The following AGMO variants were observed in gnomAD, a reference collection of about 807,000 sequenced individuals.
AGMO encodes the protein glyceryl-ether monooxygenase.
A neutral mutation model predicts 60.2 loss-of-function variants in AGMO; 75 were observed. That is an observed-to-expected ratio of 1.25 (90% CI 1.03 to 1.51). The LOEUF is 1.51. AGMO is among the 40% of genes most tolerant of loss of function. The probability of loss-of-function intolerance (pLI) is 0.00; values close to 1 mark genes in which losing one functional copy is unlikely to be tolerated. For missense variants in AGMO, 763 were observed against 525.5 expected (o/e 1.45, Z -4.42); for synonymous variants, 261 against 177.1 (o/e 1.47, Z -3.76).
chr7:15,378,516 A>G (rs544082848), intron 10 of AGMO, among the ~76,000 whole-genome samples: 55 of 152,112 alleles, frequency 3.6e-4, no homozygotes, highest in African/African-American at 1.3e-3. Flanking sequence ...ATATGTATGC[A>G]CCCAACACAG....
At chr7:15,410,760 T>G (rs1481260526) in intron 5 of AGMO, among the ~76,000 whole-genome samples, 1 of 152,004 alleles carries the variant, frequency 6.6e-6, no homozygotes, top group Admixed American at 6.6e-5. Flanking sequence ...TTTTGTGGCC[T>G]TAGGGATTAA....
intron 3 of AGMO, among the ~76,000 whole-genome samples, chr7:15,468,563 C>CAT (rs1164797108): frequency 6.6e-6 from 1 of 151,784 alleles, no homozygotes; most frequent in East Asian, 1.9e-4. Context: ...ACACACAAAT[C>CAT]ATATATATAT....
At chr7:15,200,067 C>A (rs558156376), downstream of AGMO, among the ~76,000 whole-genome samples, 1 of 151,994 alleles carries the variant, frequency 6.6e-6, no homozygotes, top group Non-Finnish European at 1.5e-5. Context: ...ATAGGCAAAG[C>A]TCAATGAAGA....
chr7:15,474,220 C>T (rs1227673887), intron 3 of AGMO, among the ~76,000 whole-genome samples: 1 of 151,864 alleles, frequency 6.6e-6, no homozygotes, highest in Non-Finnish European at 1.5e-5. Context: ...CATATGGAAC[C>T]AAAAAAGAGC....
intron 3 of AGMO, among the ~76,000 whole-genome samples, chr7:15,466,571 T>C (rs946560153): frequency 1.9e-4 from 29 of 152,114 alleles, no homozygotes; most frequent in Admixed American, 1.1e-3. Context: ...ATGCAGCATA[T>C]AATAATTTAA....
At chr7:15,183,322 C>T in the AGMO span, among the ~76,000 whole-genome samples, 2 of 151,998 alleles carry the variant, frequency 1.3e-5, no homozygotes, top group African/African-American at 4.8e-5. Flanking sequence ...TCACCATGCC[C>T]CATCCTTTCT....
chr7:15,346,119 A>G (rs1782022573), intron 12 of AGMO, among the ~76,000 whole-genome samples: 1 of 152,194 alleles, frequency 6.6e-6, no homozygotes, highest in African/African-American at 2.4e-5. Context: ...AAATTCTGTT[A>G]AATTCAGATA....
the AGMO span, among the ~76,000 whole-genome samples, chr7:15,143,204 G>A: frequency 1.3e-5 from 2 of 152,130 alleles, no homozygotes; most frequent in Non-Finnish European, 2.9e-5. Context: ...GCTATTGAAC[G>A]TGAAATTGAT....
intron 5 of AGMO, among the ~76,000 whole-genome samples, chr7:15,400,645 T>G (rs1309785500): frequency 6.6e-6 from 1 of 152,108 alleles, no homozygotes; most frequent in Non-Finnish European, 1.5e-5. Context: ...AAGCCAGGAA[T>G]GAAAGTCCGA....
chr7:15,383,653 A>G (rs757769216), intron 10 of AGMO, among the ~76,000 whole-genome samples: 3 of 152,062 alleles, frequency 2.0e-5, no homozygotes, highest in East Asian at 1.9e-4. Flanking sequence ...TTTTCAGCAT[A>G]TATTATTTAT....
At chr7:15,216,772 A>T (rs1781748704) in intron 12 of AGMO, among the ~76,000 whole-genome samples, 1 of 152,054 alleles carries the variant, frequency 6.6e-6, no homozygotes, top group Non-Finnish European at 1.5e-5. Context: ...ATAGATCAAC[A>T]CATATCAATT....
At chr7:15,205,157 C>T (rs577745132) in intron 12 of AGMO, among the ~76,000 whole-genome samples, 2 of 152,262 alleles carry the variant, frequency 1.3e-5, no homozygotes, top group East Asian at 3.9e-4. Flanking sequence ...ATGTACATAT[C>T]TGTCTCTTCT....
intron 3 of AGMO, among the ~76,000 whole-genome samples, chr7:15,519,039 C>T (rs772778395): frequency 6.6e-6 from 1 of 150,570 alleles, no homozygotes; most frequent in Non-Finnish European, 1.5e-5. Flanking sequence ...TATCAATAGC[C>T]GAACTGACAA....
chr7:15,235,646 G>T (rs1308474696), intron 12 of AGMO, among the ~76,000 whole-genome samples: 1 of 152,056 alleles, frequency 6.6e-6, no homozygotes, highest in Non-Finnish European at 1.5e-5. Context: ...TCAGAAAATA[G>T]ATCCTAAAGA....
At chr7:15,341,682 ATGC>A (rs1781852715) in intron 12 of AGMO, among the ~76,000 whole-genome samples, 1 of 152,132 alleles carries the variant, frequency 6.6e-6, no homozygotes, top group South Asian at 2.1e-4. Flanking sequence ...GTCCATTATT[ATGC>A]TGCTAATAAA....
chr7:15,350,988 G>A (rs1395275964), intron 12 of AGMO, among the ~76,000 whole-genome samples: 2 of 152,054 alleles, frequency 1.3e-5, no homozygotes, highest in African/African-American at 4.8e-5. Flanking sequence ...GGCAAAAAAT[G>A]CTTTTTAAGA....
chr7:15,322,624 A>G, intron 12 of AGMO, among the ~76,000 whole-genome samples: 1 of 66,180 alleles, frequency 1.5e-5, no homozygotes, highest in Admixed American at 2.8e-4. Context: ...ATATATAAAT[A>G]TATATAAATA....
At chr7:15,422,367 G>C (rs907341718) in intron 4 of AGMO, among the ~76,000 whole-genome samples, 6 of 151,832 alleles carry the variant, frequency 4.0e-5, no homozygotes, top group African/African-American at 1.5e-4. Context: ...AAGAGTATTT[G>C]ATAGCACAAA....
At chr7:15,277,903 C>T (rs184704669) in intron 12 of AGMO, among the ~76,000 whole-genome samples, 21 of 152,178 alleles carry the variant, frequency 1.4e-4, no homozygotes, top group Non-Finnish European at 2.4e-4. Context: ...ATGACAAGGG[C>T]GCTAGCCCTA....
Sources: gnomAD v4.1 joint callset for allele counts (sites outside exome capture counted in the v4.1 genomes callset) on GRCh38, gnomAD v4.1.1 for gene constraint, MANE v1.5 for transcripts, NCBI Gene and HGNC (gene_info 2026-07-23, HGNC 2026-07-21) for gene names.